The following AGGF1 variants were observed in gnomAD, a reference collection of about 807,000 sequenced individuals.
AGGF1 encodes the protein angiogenic factor with G patch and FHA domains 1.
Under a neutral mutation model 86.5 loss-of-function variants are expected in AGGF1, and 56 were observed. That is an observed-to-expected ratio of 0.65 (90% CI 0.52 to 0.81). The LOEUF is 0.81. Among genes scored for constraint, AGGF1 ranks in the 30% least tolerant of loss-of-function variants. AGGF1 has a pLI of 0.00. For missense variants in AGGF1, 816 were observed against 850.9 expected (o/e 0.96, Z 0.51); for synonymous variants, 313 against 297.1 (o/e 1.05, Z -0.55).
At chr5:77,039,341 G>T (rs1476275038) in intron 4 of AGGF1, among the ~76,000 whole-genome samples, 190 bp from the exon 5 acceptor site, 1 of 152,078 alleles carries the variant, frequency 6.6e-6, no homozygotes, top group Non-Finnish European at 1.5e-5. Flanking sequence ...AGGAAAATTA[G>T]ATCAGTTATT....
At chr5:77,041,788 T>TTTTTTTTTTTTTA (rs1561285604) in intron 5 of AGGF1, among the ~76,000 whole-genome samples, 1 of 130,054 alleles carries the variant, frequency 7.7e-6, no homozygotes, top group Admixed American at 7.7e-5. Context: ...GAACTTTTTT[T>TTTTTTTTTTTTTA]ATTTATTTAT....
chr5:77,033,728 G>A (rs1440199538), intron 1 of AGGF1, among the ~76,000 whole-genome samples: 1 of 152,164 alleles, frequency 6.6e-6, no homozygotes, highest in Non-Finnish European at 1.5e-5. Context: ...CTTGTGTGTA[G>A]TAGACATTGT....
At chr5:77,038,690 T>C (rs1181250109) in intron 4 of AGGF1, among the ~76,000 whole-genome samples, 1 of 152,124 alleles carries the variant, frequency 6.6e-6, no homozygotes, top group Non-Finnish European at 1.5e-5. Flanking sequence ...GAAAAATAAA[T>C]TATTCTTTTT....
At chr5:77,059,863 A>T (rs1291688681) in intron 12 of AGGF1, 120 bp downstream of exon 12, 17 of 1,342,530 alleles carry the variant, frequency 1.3e-5, no homozygotes, top group Non-Finnish European at 2.1e-6. Flanking sequence ...TATTTATGAG[A>T]TGGAGTCTTG....
Position 77,063,450 on chromosome 5 carries a change from A to T in AGGF1, c.*198A>T. ...AAATAGTGACTGAACCAATTTATGC[A>T]GTAAATAGACTAAAGTTCACAGGGC... On this transcript the variant is annotated 3_prime_UTR_variant, in exon 14 of 14. Transcript: ENST00000312916. 1 of 600,432 alleles carries T rather than the reference A, an allele frequency of 1.7e-6. No homozygotes were observed. Among genetic ancestry groups the T allele is most frequent in the Non-Finnish European group, 2.9e-6 (1 of 343,002 alleles). 37.2% of individuals were successfully genotyped at this position (600,432 alleles called of 1,614,324 possible). A position where few individuals can be genotyped will look rare whatever the true frequency, so the allele number is the denominator to read the frequency against.
intron 4 of AGGF1, among the ~76,000 whole-genome samples, chr5:77,039,147 G>A (rs971245338): frequency 2.6e-5 from 4 of 151,982 alleles, no homozygotes; most frequent in Non-Finnish European, 2.9e-5. Flanking sequence ...CTAGAATTGC[G>A]CTCATATGGT....
chr5:77,047,274 T>TATATAAATAA (rs1396761216), intron 6 of AGGF1, among the ~76,000 whole-genome samples: 1 of 152,174 alleles, frequency 6.6e-6, no homozygotes, highest in Non-Finnish European at 1.5e-5. Context: ...GTCCCCTAAA[T>TATATAAATAA]ATGGTGTACC....
In AGGF1 at chr5:77,048,947, T is replaced by C; in HGVS notation, c.1325T>C (p.Met442Thr). Reference protein sequence around the residue: ...NPATIGREKDMEHTLRIPEVG... With the variant: ...NPATIGREKDTEHTLRIPEVG... ...ACTTAACTCTGCAGAGAAAAGGATA[T>C]GGAACATACTCTCCGAATCCCTGAA... Residue 442 changes from methionine (M) to threonine (T), a missense_variant, in exon 8 of 14, where the codon ATG becomes ACG. This residue lies in a region of AGGF1 where 565 missense variants were observed against 585.8 expected (regional missense o/e 0.96). Coordinates refer to ENST00000312916, the MANE Select transcript of AGGF1 (RefSeq NM_018046.5). The C allele has an allele frequency of 1.9e-6, 3 of 1,613,778 alleles. No homozygotes were observed. Among genetic ancestry groups the C allele is most frequent in the African/African-American group, 1.3e-5 (1 of 75,048 alleles).
At chr5:77,058,923 A>C (rs1458066585) in intron 11 of AGGF1, among the ~76,000 whole-genome samples, 2 of 152,210 alleles carry the variant, frequency 1.3e-5, no homozygotes, top group Non-Finnish European at 2.9e-5. Flanking sequence ...GGAGCTTGAC[A>C]TACTCTTTTT....
chr5:77,059,441 C>T (rs995203365), intron 11 of AGGF1, among the ~76,000 whole-genome samples, 175 bp from the exon 12 acceptor site: 21 of 152,074 alleles, frequency 1.4e-4, no homozygotes, highest in African/African-American at 4.3e-4. Context: ...CTCAGCTTCC[C>T]AAAATGCTAG....
chr5:77,056,395 A>G (rs1747459532), intron 11 of AGGF1, among the ~76,000 whole-genome samples: 1 of 151,834 alleles, frequency 6.6e-6, no homozygotes, highest in African/African-American at 2.4e-5. Context: ...CGCCCCGCTA[A>G]TTTTTGTATT....
chr5:77,051,546 C>G (rs1747374012), intron 8 of AGGF1, among the ~76,000 whole-genome samples: 2 of 152,024 alleles, frequency 1.3e-5, no homozygotes, highest in African/African-American at 2.4e-5. Flanking sequence ...TTGGCAACAT[C>G]AAGTTTTGGT....
At chr5:77,032,882 A>G (rs1746896908) in intron 1 of AGGF1, among the ~76,000 whole-genome samples, 2 of 152,176 alleles carry the variant, frequency 1.3e-5, no homozygotes, top group African/African-American at 2.4e-5. Flanking sequence ...AGAGCTATCA[A>G]TTCCCATTCA....
At chr5:77,036,454 G>C (rs1392118137) in intron 3 of AGGF1, 102 bp from the exon 4 acceptor site, 17 of 1,163,036 alleles carry the variant, frequency 1.5e-5, no homozygotes, top group Non-Finnish European at 1.7e-5. Flanking sequence ...TGTAGAAATT[G>C]AAGTCGTTAC....
intron 5 of AGGF1, among the ~76,000 whole-genome samples, chr5:77,041,801 ATTT>A (rs146421555): frequency 0.13 from 16,727 of 129,900 alleles, 1,357 homozygotes; most frequent in East Asian, 0.28. Flanking sequence ...TTATTTATTT[ATTT>A]ATTTATTTAT....
rs1454986057 is a variant in AGGF1, at chr5:77,061,690, A to G, written c.1845-13A>G. ...CTTTTATAAATCAACTATCATTTTA[A>G]TATTCCTTAAAGTGAAATTACTGAT... On this transcript the variant is annotated splice_polypyrimidine_tract_variant and intron_variant, in intron 12 of 13. Transcript: ENST00000312916. 1 of 1,594,446 alleles carries G rather than the reference A, an allele frequency of 6.3e-7. No individual in the cohort carries two copies. The highest frequency in any genetic ancestry group is 8.6e-7 in the Non-Finnish European group (1 of 1,163,060).
intron 5 of AGGF1, among the ~76,000 whole-genome samples, chr5:77,041,534 T>G (rs1374167579): frequency 2.2e-5 from 3 of 138,052 alleles, no homozygotes; most frequent in Non-Finnish European, 4.5e-5. Flanking sequence ...ACCACCACAC[T>G]GCAGCCTGGG....
intron 11 of AGGF1, among the ~76,000 whole-genome samples, chr5:77,058,688 T>C (rs1747498545): frequency 6.6e-6 from 1 of 152,240 alleles, no homozygotes; most frequent in Admixed American, 6.5e-5. Context: ...TTCCTTGAGT[T>C]GCTCTCCAGT....
At chr5:77,042,146 C>T (rs553548283) in intron 5 of AGGF1, among the ~76,000 whole-genome samples, 2 of 152,064 alleles carry the variant, frequency 1.3e-5, no homozygotes, top group African/African-American at 4.8e-5. Flanking sequence ...CACAGATCAA[C>T]AGGATCCCAA....
Sources: gnomAD v4.1 joint callset for allele counts (sites outside exome capture counted in the v4.1 genomes callset) on GRCh38, gnomAD v4.1.1 for gene constraint, gnomAD v4.1.1 regional missense constraint, MANE v1.5 for transcripts, NCBI Gene and HGNC (gene_info 2026-07-23, HGNC 2026-07-21) for gene names.